The following MDGA2 variants were observed in gnomAD, a reference collection of about 807,000 sequenced individuals.
The protein encoded by MDGA2 is MAM domain containing glycosylphosphatidylinositol anchor 2.
In MDGA2, 40 loss-of-function variants were observed where a neutral mutation model predicts 117.8. That is an observed-to-expected ratio of 0.34 (90% CI 0.26 to 0.44). The LOEUF (loss-of-function observed/expected upper bound fraction) is 0.44, where lower values mean the gene tolerates loss of function less well. Among genes scored for constraint, MDGA2 ranks in the 20% least tolerant of loss-of-function variants. The probability of loss-of-function intolerance (pLI) is 1.00; values close to 1 mark genes in which losing one functional copy is unlikely to be tolerated. For synonymous variants in MDGA2, 452 were observed against 439.0 expected (o/e 1.03, Z -0.37); for missense variants, 1,123 against 1,250.6 (o/e 0.90, Z 1.54).
At chr14:47,310,082 C>A (rs1387319879) in intron 1 of MDGA2, among the ~76,000 whole-genome samples, 3 of 151,990 alleles carry the variant, frequency 2.0e-5, no homozygotes, top group Non-Finnish European at 2.9e-5. Flanking sequence ...TAAAACAAAG[C>A]AATATCAATT....
chr14:46,873,583 T>C lies in MDGA2; in HGVS notation c.2602A>G (p.Met868Val), dbSNP rs768932936. ...CTGGGTCGTGATGTCTCAATGTACA[T>C]ATAAAAACCTTAAAACAGACAAAAT... ...DRSGSKEGFYMYIETSRPRLE... is the reference protein window; with the variant it reads ...DRSGSKEGFYVYIETSRPRLE... The change falls in exon 14 of 17, where the codon ATG (methionine) becomes GTG (valine). Residue 868 changes from methionine (M) to valine (V), a missense_variant. Physicochemically the swap from Met to Val is conservative, Grantham distance 21 (BLOSUM62 1). This residue lies in a region of MDGA2 where 890 missense variants were observed against 1,050.3 expected (regional missense o/e 0.85). Transcript: ENST00000399232. 2 of 1,611,124 alleles carry C rather than the reference T, an allele frequency of 1.2e-6. No homozygotes were observed. Among genetic ancestry groups the C allele is most frequent in the Non-Finnish European group, 1.7e-6 (2 of 1,178,354 alleles).
intron 1 of MDGA2, among the ~76,000 whole-genome samples, chr14:47,446,881 C>A (rs1310147032): frequency 1.3e-5 from 2 of 152,052 alleles, no homozygotes; most frequent in African/African-American, 2.4e-5. Context: ...TATTTCAGCC[C>A]CCCTCTATTG....
chr14:47,600,577 G>A (rs1328289241), intron 1 of MDGA2, among the ~76,000 whole-genome samples: 2 of 152,014 alleles, frequency 1.3e-5, no homozygotes, highest in African/African-American at 4.8e-5. Context: ...ACTCTCTGTA[G>A]TCTTGATTTA....
intron 1 of MDGA2, among the ~76,000 whole-genome samples, chr14:47,449,771 G>C (rs906658566): frequency 6.6e-6 from 1 of 152,072 alleles, no homozygotes; most frequent in Non-Finnish European, 1.5e-5. Context: ...ACTTTTTTAT[G>C]CTTTGTGAAA....
intron 1 of MDGA2, among the ~76,000 whole-genome samples, chr14:47,581,672 G>A (rs1896230899): frequency 1.3e-5 from 2 of 151,908 alleles, no homozygotes; most frequent in Non-Finnish European, 2.9e-5. Flanking sequence ...TTCTTTAGTA[G>A]GTATAAAACT....
chr14:46,986,518 T>G (rs555423854), intron 8 of MDGA2, among the ~76,000 whole-genome samples: 1 of 16,378 alleles, frequency 6.1e-5, no homozygotes, highest in African/African-American at 8.2e-4. Flanking sequence ...AAAATACTGA[T>G]GTAAGATCTT....
chr14:47,545,828 A>G (rs943457057), intron 1 of MDGA2, among the ~76,000 whole-genome samples: 5 of 152,192 alleles, frequency 3.3e-5, no homozygotes, highest in Admixed American at 1.3e-4. Flanking sequence ...CGTGAAAGCA[A>G]TGCCCTTCAA....
Position 46,982,636 on chromosome 14 carries a change from G to A in MDGA2, c.1820-24993C>T, listed in dbSNP as rs1428625239. 2.0e-5 allele frequency among the ~76,000 whole-genome samples: 3 copies of A among 146,720 alleles called. No homozygotes were observed. The Admixed American group carries it at 2.1e-4, about 10-fold the overall frequency. ...AGACAGGAGAATCACTTGAACCTGGGAGGTGGAGGTTGCAATGAGCCGAGA... is the reference window on the plus strand; with the variant it reads ...AGACAGGAGAATCACTTGAACCTGGAAGGTGGAGGTTGCAATGAGCCGAGA... On this transcript the variant is annotated intron_variant, in intron 8 of 16. Transcript: ENST00000399232.
chr14:47,524,952 A>C (rs1894941636), intron 1 of MDGA2, among the ~76,000 whole-genome samples: 1 of 152,240 alleles, frequency 6.6e-6, no homozygotes, highest in Admixed American at 6.5e-5. Context: ...GGAGTCTTAC[A>C]GGAGTGCTCA....
intron 7 of MDGA2, among the ~76,000 whole-genome samples, chr14:47,044,605 T>A (rs1347350849): frequency 3.3e-5 from 5 of 152,150 alleles, no homozygotes; most frequent in Admixed American, 3.3e-4. Flanking sequence ...GCATAATACA[T>A]CTCTTATCAC....
Position 47,401,255 on chromosome 14 carries a change from T to G in MDGA2, c.281-99705A>C, listed in dbSNP as rs1892142181. 2.0e-5 allele frequency among the ~76,000 whole-genome samples: 3 copies of G among 152,080 alleles called. No homozygotes were observed. In the South Asian group the frequency reaches 6.2e-4, roughly 32 times the overall value. On this transcript the variant is annotated intron_variant, in intron 1 of 16. Coordinates refer to ENST00000399232, the MANE Select transcript of MDGA2 (RefSeq NM_001113498.3). Reference sequence around the variant, plus strand: ...TTTATTTCAACAGGCATTATAGGGATAAAAAATAGAACGGAATTCCAGCCT... The same window carrying G: ...TTTATTTCAACAGGCATTATAGGGAGAAAAAATAGAACGGAATTCCAGCCT...
chr14:47,348,218 A>AT lies in MDGA2; in HGVS notation c.281-46669dup, dbSNP rs78606952. Among the ~76,000 whole-genome samples, 818 of 138,064 alleles carry AT rather than the reference A, an allele frequency of 5.9e-3. 16 individuals are homozygous for AT. In the East Asian group the frequency reaches 0.081, roughly 14 times the overall value. 90.6% of individuals were successfully genotyped at this position (138,064 alleles called of 152,430 possible). A position where few individuals can be genotyped will look rare whatever the true frequency, so the allele number is the denominator to read the frequency against. On this transcript the variant is annotated intron_variant, in intron 1 of 16. Coordinates refer to ENST00000399232, the MANE Select transcript of MDGA2 (RefSeq NM_001113498.3). ...GTGCTTAAAATAGGAAAATCCTTAA[A>AT]TTTTTTTTTTTTTTTTAAGATACAG...
intron 1 of MDGA2, among the ~76,000 whole-genome samples, chr14:47,453,712 C>G (rs1362338090): frequency 6.6e-6 from 1 of 152,124 alleles, no homozygotes; most frequent in African/African-American, 2.4e-5. Flanking sequence ...AATTTCAGAG[C>G]AGTCATTCTG....
intron 1 of MDGA2, among the ~76,000 whole-genome samples, chr14:47,391,828 T>C (rs1891901382): frequency 6.6e-6 from 1 of 152,070 alleles, no homozygotes; most frequent in African/African-American, 2.4e-5. Context: ...TTGGTGTCTA[T>C]AAACCCCCTT....
intron 1 of MDGA2, among the ~76,000 whole-genome samples, chr14:47,560,935 A>G (rs1221584987): frequency 1.3e-5 from 2 of 152,090 alleles, no homozygotes. Flanking sequence ...TCCCAGCATC[A>G]TTTATTGAAT....
At chr14:46,905,781 A>G (rs1883467465) in intron 10 of MDGA2, among the ~76,000 whole-genome samples, 1 of 152,118 alleles carries the variant, frequency 6.6e-6, no homozygotes, top group South Asian at 2.1e-4. Flanking sequence ...TGAAAATTAG[A>G]TAACTGAAAC....
chr14:47,518,606 C>T (rs932048233), intron 1 of MDGA2, among the ~76,000 whole-genome samples: 1 of 152,228 alleles, frequency 6.6e-6, no homozygotes, highest in South Asian at 2.1e-4. Flanking sequence ...TACTTTTATG[C>T]TTTTTCTTCT....
intron 1 of MDGA2, among the ~76,000 whole-genome samples, chr14:47,425,530 C>A (rs962012615): frequency 6.6e-6 from 1 of 152,074 alleles, no homozygotes; most frequent in Non-Finnish European, 1.5e-5. Flanking sequence ...CACGCGCACA[C>A]AGAGAAAAGC....
At position 47,674,519 on chromosome 14, in the gene MDGA2, T is replaced by A; in HGVS notation, c.278A>T (p.Tyr93Phe). ...GATAGCGTCGCGATTCCACTCACCG[T>A]ACACTCCTTGGCCAGAGATCCCCTC... ...LLEGISGQGV[Y>F]APPTVRIVHS... Residue 93 changes from tyrosine (Y) to phenylalanine (F), a missense_variant and splice_region_variant, in exon 1 of 17, where the codon TAC becomes TTC. This residue lies in a region of MDGA2 where 233 missense variants were observed against 200.3 expected (regional missense o/e 1.16). Coordinates refer to ENST00000399232, the MANE Select transcript of MDGA2 (RefSeq NM_001113498.3). 2.6e-6 allele frequency: 4 copies of A among 1,550,730 alleles called. No homozygotes were observed. The highest frequency in any genetic ancestry group is 3.5e-6 in the Non-Finnish European group (4 of 1,146,542).
Sources: gnomAD v4.1 joint callset for allele counts (sites outside exome capture counted in the v4.1 genomes callset) on GRCh38, gnomAD v4.1.1 for gene constraint, gnomAD v4.1.1 regional missense constraint, MANE v1.5 for transcripts, NCBI Gene and HGNC (gene_info 2026-07-23, HGNC 2026-07-21) for gene names.